The following MALRD1 variants were observed in gnomAD, a reference collection of about 807,000 sequenced individuals.
MALRD1 encodes the protein MAM and LDL-receptor class A domain-containing protein 1.
A neutral mutation model predicts 242.1 loss-of-function variants in MALRD1; 247 were observed. That is an observed-to-expected ratio of 1.02 (90% CI 0.92 to 1.13). MALRD1 has a LOEUF of 1.13. Ranked by LOEUF, MALRD1 falls within the 50% of genes most tolerant of loss-of-function variation. The probability of loss-of-function intolerance (pLI) is 0.00; values close to 1 mark genes in which losing one functional copy is unlikely to be tolerated. For synonymous variants in MALRD1, 995 were observed against 866.6 expected, an observed-to-expected ratio of 1.15 and a Z score of -2.60; for missense variants, 2,989 against 2,533.1, an observed-to-expected ratio of 1.18 and a Z score of -3.86.
At chr10:19,680,950 T>A (rs1387710043) in intron 36 of MALRD1, among the ~76,000 whole-genome samples, 1 of 152,202 alleles carries the variant, frequency 6.6e-6, no homozygotes, top group Non-Finnish European at 1.5e-5. Flanking sequence ...TTATTGTCTT[T>A]AAGAATGTTA....
At chr10:19,692,173 C>T in intron 36 of MALRD1, 109 bp from the exon 37 acceptor site, 1 of 843,904 alleles carries the variant, frequency 1.2e-6, no homozygotes, top group South Asian at 2.2e-5. Context: ...ATCCATGTTC[C>T]TAGTATCTCG....
At chr10:19,418,275 G>A (rs948737379) in intron 28 of MALRD1, among the ~76,000 whole-genome samples, 4 of 150,310 alleles carry the variant, frequency 2.7e-5, no homozygotes, top group Non-Finnish European at 5.9e-5. Context: ...TCCCCCCCAC[G>A]CCCCCAACAA....
chr10:19,266,264 T>C (rs929275904), intron 19 of MALRD1, among the ~76,000 whole-genome samples: 1 of 151,932 alleles, frequency 6.6e-6, no homozygotes, highest in Non-Finnish European at 1.5e-5. Context: ...AAAAATTCCT[T>C]CCTAGCTGTT....
In MALRD1 at chr10:19,396,938, T is replaced by C. The variant is rs115439550; in HGVS notation, c.4845+7329T>C. Reference sequence around the variant, plus strand: ...TCAGACATTTTAAAATCATGCTTAATATAGCTGCATTTTATTTTTTAAATT... The same window carrying C: ...TCAGACATTTTAAAATCATGCTTAACATAGCTGCATTTTATTTTTTAAATT... On this transcript the variant is annotated intron_variant, in intron 28 of 39. Transcript: ENST00000454679. Among the ~76,000 whole-genome samples, 452 of 152,326 alleles carry C rather than the reference T, an allele frequency of 3.0e-3. 1 individual carries two copies. The highest frequency in any genetic ancestry group is 0.01 in the African/African-American group (430 of 41,584).
chr10:19,459,033 T>A (rs902456351), intron 29 of MALRD1, among the ~76,000 whole-genome samples: 1 of 152,098 alleles, frequency 6.6e-6, no homozygotes, highest in East Asian at 1.9e-4. Context: ...TAAAGAGACA[T>A]TATTTAACAT....
chr10:19,372,049 G>T (rs1845403881), intron 26 of MALRD1, among the ~76,000 whole-genome samples: 1 of 152,078 alleles, frequency 6.6e-6, no homozygotes, highest in South Asian at 2.1e-4. Context: ...TCATTGAATT[G>T]ATTATATTTA....
At chr10:19,615,635 C>G (rs973060230) in intron 35 of MALRD1, among the ~76,000 whole-genome samples, 1 of 150,888 alleles carries the variant, frequency 6.6e-6, no homozygotes, top group Non-Finnish European at 1.5e-5. Flanking sequence ...GCGGATTATT[C>G]AAGCATGCGA....
chr10:19,394,243 G>A (rs1846477113), intron 28 of MALRD1, among the ~76,000 whole-genome samples: 2 of 152,080 alleles, frequency 1.3e-5, no homozygotes, highest in African/African-American at 4.8e-5. Context: ...AGAGTTGGTG[G>A]GGTCTTACTC....
At chr10:19,569,727 A>G (rs1007684262) in intron 33 of MALRD1, among the ~76,000 whole-genome samples, 16 of 147,096 alleles carry the variant, frequency 1.1e-4, no homozygotes, top group Admixed American at 5.5e-4. Context: ...TAACTTATAT[A>G]TTAACATGCA....
At chr10:19,597,100 G>C (rs78252011) in intron 34 of MALRD1, among the ~76,000 whole-genome samples, 1,531 of 152,246 alleles carry the variant, frequency 0.01, 31 homozygotes, top group Non-Finnish European at 0.011. Context: ...CCAACTCCCT[G>C]TTATTTCCTA....
At chr10:19,065,286 T>C (rs1453229071) in intron 1 of MALRD1, among the ~76,000 whole-genome samples, 2 of 10,988 alleles carry the variant, frequency 1.8e-4, no homozygotes, top group Non-Finnish European at 1.5e-4. Context: ...AAACGCTGTC[T>C]CAAAAAAAAA....
intron 28 of MALRD1, among the ~76,000 whole-genome samples, chr10:19,418,305 A>G (rs1367269634): frequency 6.6e-6 from 1 of 152,110 alleles, no homozygotes; most frequent in Non-Finnish European, 1.5e-5. Context: ...GCTTTCAAAC[A>G]TAAGCACCAT....
At chr10:19,174,631 T>C (rs1018514043) in intron 13 of MALRD1, among the ~76,000 whole-genome samples, 1 of 152,032 alleles carries the variant, frequency 6.6e-6, no homozygotes, top group African/African-American at 2.4e-5. Flanking sequence ...TATCAGTCAT[T>C]ATTCAGCGTT....
At chr10:19,477,754 A>G (rs1836806637) in intron 29 of MALRD1, among the ~76,000 whole-genome samples, 1 of 152,206 alleles carries the variant, frequency 6.6e-6, no homozygotes, top group African/African-American at 2.4e-5. Flanking sequence ...TGTCTGATTT[A>G]CACAGGGCCC....
At chr10:19,276,993 C>T (rs889556306) in intron 19 of MALRD1, among the ~76,000 whole-genome samples, 11 of 152,152 alleles carry the variant, frequency 7.2e-5, no homozygotes, top group South Asian at 2.1e-4. Flanking sequence ...GATATCGGCT[C>T]ACTGCAGCCT....
intron 36 of MALRD1, among the ~76,000 whole-genome samples, chr10:19,643,597 A>T (rs1564510896): frequency 1.3e-5 from 2 of 152,206 alleles, no homozygotes; most frequent in Non-Finnish European, 2.9e-5. Flanking sequence ...TAGAAAAATC[A>T]GCACTAATTC....
intron 28 of MALRD1, among the ~76,000 whole-genome samples, chr10:19,448,558 A>G (rs1173449432): frequency 6.6e-6 from 1 of 152,258 alleles, no homozygotes; most frequent in African/African-American, 2.4e-5. Context: ...CCTGTGCTCA[A>G]CTGGTTAATA....
chr10:19,681,858 CTT>C (rs56244200), intron 36 of MALRD1, among the ~76,000 whole-genome samples: 2,795 of 111,122 alleles, frequency 0.025, 40 homozygotes, highest in African/African-American at 0.058. Flanking sequence ...GGGAATGTCA[CTT>C]TTTTTTTTTT....
At chr10:19,455,023 C>T (rs1228280007) in intron 29 of MALRD1, among the ~76,000 whole-genome samples, 1 of 152,044 alleles carries the variant, frequency 6.6e-6, no homozygotes, top group African/African-American at 2.4e-5. Context: ...TTGGCATATT[C>T]TGTAGTCTGT....
Sources: allele counts gnomAD v4.1 joint callset (sites outside exome capture counted in the v4.1 genomes callset), GRCh38; gene constraint gnomAD v4.1.1; transcripts MANE v1.5; gene names NCBI Gene and HGNC (gene_info 2026-07-23, HGNC 2026-07-21).